PTPRN2: variants seen among roughly 807,000 people sequenced by gnomAD.
The protein encoded by PTPRN2 is protein tyrosine phosphatase receptor type N2, also known as receptor-type tyrosine-protein phosphatase N2.
Under a neutral mutation model 118.8 loss-of-function variants are expected in PTPRN2, and 74 were observed. The ratio of observed to expected loss-of-function variants is 0.62; its 90% CI spans 0.52 to 0.76. The LOEUF is 0.76. Among genes scored for constraint, PTPRN2 ranks in the 30% least tolerant of loss-of-function variants. The pLI is 0.00. For synonymous variants in PTPRN2, 641 were observed against 608.0 expected, an observed-to-expected ratio of 1.05 and a Z score of -0.80; for missense variants, 1,481 against 1,394.4, an observed-to-expected ratio of 1.06 and a Z score of -0.99.
chr7:158,400,585 C>A (rs1183826928), intron 2 of PTPRN2, among the ~76,000 whole-genome samples: 1 of 152,164 alleles, frequency 6.6e-6, no homozygotes, highest in Non-Finnish European at 1.5e-5. Flanking sequence ...ACACAAGATG[C>A]GCTTTGTCAT....
intron 9 of PTPRN2, among the ~76,000 whole-genome samples, chr7:158,128,795 C>T (rs1372617925): frequency 6.6e-6 from 1 of 152,110 alleles, no homozygotes; most frequent in East Asian, 1.9e-4. Flanking sequence ...ACTCTCCTAC[C>T]CCGGGGCAGG....
At chr7:158,282,797 C>T (rs530610314) in intron 3 of PTPRN2, among the ~76,000 whole-genome samples, 1 of 148,898 alleles carries the variant, frequency 6.7e-6, no homozygotes. Flanking sequence ...GGACAGACAG[C>T]TGATCCCTCC....
At chr7:157,800,984 C>T (rs1585504794) in intron 12 of PTPRN2, among the ~76,000 whole-genome samples, 1 of 150,374 alleles carries the variant, frequency 6.7e-6, no homozygotes, top group African/African-American at 2.5e-5. Flanking sequence ...TATATATATA[C>T]ACACACATAT....
chr7:158,078,310 C>G (rs1440471996), intron 11 of PTPRN2, among the ~76,000 whole-genome samples: 1 of 152,198 alleles, frequency 6.6e-6, no homozygotes, highest in South Asian at 2.1e-4. Flanking sequence ...ACGCCAGCAG[C>G]CATTGGGCTT....
At chr7:158,360,949 A>G (rs370374836) in intron 2 of PTPRN2, among the ~76,000 whole-genome samples, 2 of 4,168 alleles carry the variant, frequency 4.8e-4, no homozygotes, top group East Asian at 3.1e-3. Context: ...CACAGACCCC[A>G]CATCCACCCT....
intron 3 of PTPRN2, among the ~76,000 whole-genome samples, chr7:158,295,779 A>G (rs11980562): frequency 0.94 from 139,914 of 148,898 alleles, 65,623 homozygotes; most frequent in Non-Finnish European, 0.96. Flanking sequence ...CTCCATCCGC[A>G]CGGTTCACCC....
At chr7:158,249,521 C>T (rs1330999268) in intron 3 of PTPRN2, among the ~76,000 whole-genome samples, 1 of 151,176 alleles carries the variant, frequency 6.6e-6, no homozygotes, top group Non-Finnish European at 1.5e-5. Context: ...CACACACATG[C>T]ACACCATACA....
Position 157,734,174 on chromosome 7 carries a change from T to G in PTPRN2, c.1789-51237A>C, listed in dbSNP as rs1178569264. 3.3e-5 allele frequency among the ~76,000 whole-genome samples: 4 copies of G among 121,480 alleles called. 1 individual carries two copies. The highest frequency in any genetic ancestry group is 1.9e-4 in the African/African-American group (4 of 21,064). The allele number at this position is 121,480 out of a possible 152,430, so 79.7% of individuals were successfully genotyped here. ...AGCACAGTTACTCTTTTCCACCCCA[T>G]GCACCCAGCACAGTTACTCTTTTCC... On this transcript the variant is annotated intron_variant, in intron 12 of 22. Coordinates refer to ENST00000389418, the MANE Select transcript of PTPRN2 (RefSeq NM_002847.5).
chr7:158,232,966 C>T (rs6950346), intron 3 of PTPRN2, among the ~76,000 whole-genome samples: 32,445 of 152,012 alleles, frequency 0.21, 3,996 homozygotes, highest in African/African-American at 0.33. Flanking sequence ...CCACAGCTAA[C>T]ACCATAATGA....
chr7:158,129,704 T>C (rs765999806), intron 9 of PTPRN2, among the ~76,000 whole-genome samples: 1 of 152,190 alleles, frequency 6.6e-6, no homozygotes, highest in Non-Finnish European at 1.5e-5. Flanking sequence ...TCGGTCATGA[T>C]AATGGTCTGC....
intron 13 of PTPRN2, among the ~76,000 whole-genome samples, chr7:157,656,823 AC>A (rs1806134429): frequency 5.4e-5 from 8 of 148,318 alleles, no homozygotes; most frequent in Non-Finnish European, 8.9e-5. Flanking sequence ...ACACATACAC[AC>A]ACACATATAC....
chr7:158,557,323 G>A (rs1827103215), intron 1 of PTPRN2, among the ~76,000 whole-genome samples: 1 of 145,644 alleles, frequency 6.9e-6, no homozygotes, highest in Non-Finnish European at 1.5e-5. Flanking sequence ...TCCCGCGCAG[G>A]GCAGGCGGCT....
At chr7:157,658,846 A>G (rs1177910067) in intron 13 of PTPRN2, among the ~76,000 whole-genome samples, 1 of 152,142 alleles carries the variant, frequency 6.6e-6, no homozygotes, top group Non-Finnish European at 1.5e-5. Flanking sequence ...GGCTCCGGGG[A>G]ACCTCGTGGG....
intron 3 of PTPRN2, among the ~76,000 whole-genome samples, chr7:158,209,137 T>G (rs1347721115): frequency 7.2e-6 from 1 of 139,036 alleles, no homozygotes; most frequent in African/African-American, 2.7e-5. Context: ...AGGAAAGAAA[T>G]AAGAAAGAGA....
intron 12 of PTPRN2, among the ~76,000 whole-genome samples, chr7:157,892,677 C>A (rs1473447278): frequency 6.6e-6 from 1 of 152,076 alleles, no homozygotes; most frequent in Admixed American, 6.6e-5. Context: ...CAAATTCAGG[C>A]TTAATACTGA....
chr7:157,746,242 C>T (rs1800925665), intron 12 of PTPRN2, among the ~76,000 whole-genome samples: 1 of 151,512 alleles, frequency 6.6e-6, no homozygotes, highest in African/African-American at 2.4e-5. Flanking sequence ...ATGGGCCTCC[C>T]TACACTCCAC....
At chr7:157,625,159 GA>G (rs1382932924) in intron 14 of PTPRN2, among the ~76,000 whole-genome samples, 4 of 152,224 alleles carry the variant, frequency 2.6e-5, no homozygotes, top group African/African-American at 9.6e-5. Flanking sequence ...AGCCACTATA[GA>G]AAACAGTGTG....
intron 2 of PTPRN2, among the ~76,000 whole-genome samples, chr7:158,370,423 G>C (rs543595977): frequency 6.6e-6 from 1 of 151,366 alleles, no homozygotes; most frequent in Non-Finnish European, 1.5e-5. Flanking sequence ...GTGACAGAGC[G>C]AGACTCCATC....
intron 12 of PTPRN2, among the ~76,000 whole-genome samples, chr7:157,726,309 G>A (rs1156825919): frequency 7.2e-6 from 1 of 138,158 alleles, no homozygotes; most frequent in Non-Finnish European, 1.5e-5. Context: ...TCGCCTCCCA[G>A]GAGAACTGGA....
Sources: gnomAD v4.1 joint callset for allele counts (sites outside exome capture counted in the v4.1 genomes callset) on GRCh38, gnomAD v4.1.1 for gene constraint, MANE v1.5 for transcripts, NCBI Gene and HGNC (gene_info 2026-07-23, HGNC 2026-07-21) for gene names.